Variants in EGFR observed in about 807,000 individuals in gnomAD.
EGFR encodes avian erythroblastic leukemia viral (v-erb-b) oncogene homolog.
In EGFR, 58 loss-of-function variants were observed where a neutral mutation model predicts 143.0. The ratio of observed to expected loss-of-function variants is 0.41; its 90% confidence interval spans 0.33 to 0.50. EGFR has a LOEUF of 0.50. EGFR is among the 20% of genes least tolerant of loss of function. The pLI is 0.39. For missense variants in EGFR, 1,307 were observed against 1,579.0 expected (o/e 0.83, Z 2.92); for synonymous variants, 613 against 594.4 (o/e 1.03, Z -0.45).
intron 19 of EGFR, among the ~76,000 whole-genome samples, chr7:55,175,378 G>C (rs1786551585): frequency 6.6e-6 from 1 of 152,192 alleles, no homozygotes; most frequent in African/African-American, 2.4e-5. Context: ...TCCAGTGTCT[G>C]TTGATTGTTA....
intron 1 of EGFR, among the ~76,000 whole-genome samples, chr7:55,122,086 A>C (rs958850991): frequency 8.5e-5 from 13 of 152,200 alleles, no homozygotes; most frequent in African/African-American, 3.1e-4. Context: ...AAGTCAATTC[A>C]CTGAAGAGAT....
At chr7:55,135,927 T>G (rs1304051804) in intron 1 of EGFR, among the ~76,000 whole-genome samples, 1 of 152,196 alleles carries the variant, frequency 6.6e-6, no homozygotes, top group Non-Finnish European at 1.5e-5. Flanking sequence ...TTTTGGTAAT[T>G]TTTTAGCATA....
intron 1 of EGFR, among the ~76,000 whole-genome samples, chr7:55,048,128 GT>G (rs1029094389): frequency 4.6e-5 from 7 of 152,198 alleles, no homozygotes; most frequent in African/African-American, 1.4e-4. Flanking sequence ...GGATGTGCTT[GT>G]TTTTTGCTAA....
At chr7:55,039,042 A>G (rs903656437) in intron 1 of EGFR, among the ~76,000 whole-genome samples, 3 of 151,808 alleles carry the variant, frequency 2.0e-5, no homozygotes, top group African/African-American at 4.8e-5. Context: ...TGAAATTTGT[A>G]TAACATGGAA....
At chr7:55,204,678 C>CG (rs2128974639) in intron 27 of EGFR, among the ~76,000 whole-genome samples, 1 of 135,070 alleles carries the variant, frequency 7.4e-6, no homozygotes, top group East Asian at 2.4e-4. Context: ...CGTACACACA[C>CG]CACACACACC....
chr7:55,170,520 C>A, intron 15 of EGFR: 1 of 1,613,642 alleles, frequency 6.2e-7, no homozygotes, highest in South Asian at 1.1e-5. Flanking sequence ...CATCTGTGAT[C>A]ATCACGGCCT....
intron 20 of EGFR, 106 bp from the exon 21 acceptor site, chr7:55,191,613 C>T (rs1361363660): frequency 1.4e-5 from 21 of 1,497,186 alleles, no homozygotes; most frequent in South Asian, 1.4e-4. Context: ...CATAAGTCCT[C>T]GACGTGGAGA....
At chr7:55,051,067 T>C (rs1206234288) in intron 1 of EGFR, among the ~76,000 whole-genome samples, 1 of 152,180 alleles carries the variant, frequency 6.6e-6, no homozygotes, top group African/African-American at 2.4e-5. Context: ...GGCACCATGC[T>C]AGAACTTCTG....
intron 19 of EGFR, among the ~76,000 whole-genome samples, chr7:55,178,500 A>G (rs898923094): frequency 1.3e-5 from 2 of 152,174 alleles, no homozygotes; most frequent in Non-Finnish European, 2.9e-5. Context: ...GCAGTGGGCC[A>G]TGGAGGGAGC....
In EGFR at chr7:55,200,317, C is replaced by A. The variant is rs1787789794; in HGVS notation, c.2850C>A (p.Cys950Ter). The stretch of plus-strand genomic sequence containing the variant: ...TGTTTTTTCTCATTCCTTCCCCAGG[C>A]TGGATGATAGACGCAGATAGTCGCC... ...TIDVYMIMVK[C>*]WMIDADSRPK... The change falls in exon 24 of 28, where the codon TGC becomes TGA. Residue 950 changes from cysteine to a stop codon, truncating the protein, a stop_gained and splice_region_variant. Transcript: ENST00000275493. LOFTEE classifies it high-confidence loss of function. The A allele has an allele frequency of 1.2e-6, 2 of 1,613,954 alleles. No individual in the cohort carries two copies. Among genetic ancestry groups the A allele is most frequent in the Non-Finnish European group, 1.7e-6 (2 of 1,179,970 alleles).
At chr7:55,020,414 A>G (rs1416305862) in intron 1 of EGFR, among the ~76,000 whole-genome samples, 1 of 152,232 alleles carries the variant, frequency 6.6e-6, no homozygotes, top group Admixed American at 6.5e-5. Context: ...GAAGCCCCGG[A>G]AGCAGAGCTC....
Position 55,205,398 on chromosome 7 carries a change from T to C in EGFR, c.3414T>C (p.Tyr1138=), listed in dbSNP as rs755559525. Residue 1138 remains tyrosine (Y), a synonymous_variant, in exon 28 of 28, where the codon TAT becomes TAC. Transcript: ENST00000275493. ...PHSTAVGNPE[Y]LNTVQPTCVN... ...GCACTGCAGTGGGCAACCCCGAGTA[T>C]CTCAACACTGTCCAGCCCACCTGTG... 1 of 1,613,876 alleles carries C rather than the reference T, an allele frequency of 6.2e-7. No individual in the cohort carries two copies. Among genetic ancestry groups the C allele is most frequent in the Non-Finnish European group, 8.5e-7 (1 of 1,179,966 alleles).
chr7:55,107,110 G>A (rs904181754), intron 1 of EGFR, among the ~76,000 whole-genome samples: 3 of 152,158 alleles, frequency 2.0e-5, no homozygotes, highest in Non-Finnish European at 4.4e-5. Context: ...AAAGATAGAA[G>A]CAGCAGCATA....
chr7:55,138,835 T>A (rs886444940), intron 1 of EGFR, among the ~76,000 whole-genome samples: 1 of 152,212 alleles, frequency 6.6e-6, no homozygotes, highest in Non-Finnish European at 1.5e-5. Flanking sequence ...GGCTGGGAAG[T>A]CCAAGAGCAT....
At position 55,201,336 on chromosome 7, in the gene EGFR, C is replaced by G. The variant is rs2128971764; in HGVS notation, c.3095C>G (p.Thr1032Ser). The part of the protein sequence containing the change: ...GFFSSPSTSR[T>S]PLLSSLSATS... ...TTCAGCAGCCCCTCCACGTCACGGA[C>G]TCCCCTCCTGAGCTCTCTGGTATGA... Residue 1032 changes from threonine to serine, a missense_variant, in exon 25 of 28, where the codon ACT (threonine) becomes AGT (serine). Thr to Ser is a moderately conservative substitution (Grantham distance 58). This residue lies in a region of EGFR where 313 missense variants were observed against 312.3 expected (regional missense o/e 1.00). Transcript: ENST00000275493. The G allele has an allele frequency of 6.2e-7, 1 of 1,614,192 alleles. No homozygotes were observed. The highest frequency in any genetic ancestry group is 8.5e-7 in the Non-Finnish European group (1 of 1,180,038).
chr7:55,047,872 C>T (rs573825197), intron 1 of EGFR, among the ~76,000 whole-genome samples: 1 of 152,154 alleles, frequency 6.6e-6, no homozygotes, highest in South Asian at 2.1e-4. Context: ...CCAACATGTT[C>T]GTAAACTGGG....
At chr7:55,181,540 T>C (rs2128959031) in intron 20 of EGFR, 62 bp downstream of exon 20, 1 of 1,604,438 alleles carries the variant, frequency 6.2e-7, no homozygotes, top group South Asian at 1.1e-5. Flanking sequence ...ACATGCGGTC[T>C]GCGCTCCTGG....
chr7:55,174,550 G>A (rs1205748495), intron 18 of EGFR, among the ~76,000 whole-genome samples, 172 bp from the exon 19 acceptor site: 1 of 152,170 alleles, frequency 6.6e-6, no homozygotes, highest in Non-Finnish European at 1.5e-5. Flanking sequence ...ACAGCTGCAG[G>A]GCTGCGGGGG....
intron 1 of EGFR, among the ~76,000 whole-genome samples, chr7:55,109,431 G>GGT (rs2128906763): frequency 1.3e-5 from 2 of 152,318 alleles, no homozygotes; most frequent in East Asian, 3.9e-4. Flanking sequence ...TGGCCCTTGA[G>GGT]GTGTGGCCTC....
Sources: allele counts gnomAD v4.1 joint callset (sites outside exome capture counted in the v4.1 genomes callset), GRCh38; gene constraint gnomAD v4.1.1; regional missense constraint gnomAD v4.1.1; transcripts MANE v1.5; gene names NCBI Gene and HGNC (gene_info 2026-07-23, HGNC 2026-07-21).